Variants in ANKRD6 observed in about 807,000 individuals in gnomAD.
The protein encoded by ANKRD6 is ankyrin repeat domain 6.
Under a neutral mutation model 82.3 loss-of-function variants are expected in ANKRD6, and 56 were observed. The ratio of observed to expected loss-of-function variants is 0.68; its 90% CI spans 0.55 to 0.85. The LOEUF (loss-of-function observed/expected upper bound fraction) is 0.85. Among genes scored for constraint, ANKRD6 ranks in the 40% least tolerant of loss-of-function variants. The probability of loss-of-function intolerance (pLI) is 0.00; values close to 1 mark genes in which losing one functional copy is unlikely to be tolerated. For synonymous variants in ANKRD6, 347 were observed against 352.1 expected (o/e 0.99, Z 0.16); for missense variants, 852 against 907.6 (o/e 0.94, Z 0.79).
intron 1 of ANKRD6, among the ~76,000 whole-genome samples, chr6:89,533,360 G>T (rs1783420605): frequency 6.6e-6 from 1 of 152,136 alleles, no homozygotes; most frequent in African/African-American, 2.4e-5. Context: ...ATAATAATGA[G>T]TGTAACCATG....
intron 1 of ANKRD6, among the ~76,000 whole-genome samples, chr6:89,454,784 A>G (rs1336277894): frequency 1.3e-5 from 2 of 152,128 alleles, no homozygotes; most frequent in Non-Finnish European, 2.9e-5. Context: ...TACGAACCAA[A>G]TGTACATTTT....
rs377552613 is a variant in ANKRD6, at chr6:89,630,969, G to A, written c.2149G>A (p.Ala717Thr). The A allele has an allele frequency of 2.2e-5, 34 of 1,580,332 alleles. No homozygotes were observed. The African/African-American group carries it at 3.1e-4, about 14-fold the overall frequency. Reference protein sequence around the residue: ...EHIKSLEEELAKLRTRVQKEN With the variant: ...EHIKSLEEELTKLRTRVQKEN ...CATTAAAAGTTTAGAAGAGGAACTT[G>A]CCAAACTAAGGACTAGGGTGCAGAA... Residue 717 changes from alanine (A) to threonine (T), a missense_variant, in exon 16 of 16, where the codon GCC (alanine) becomes ACC (threonine). By Grantham distance (58) the Ala-to-Thr change is moderately conservative (BLOSUM62 0). Coordinates refer to ENST00000339746, the MANE Select transcript of ANKRD6 (RefSeq NM_001242809.2).
chr6:89,465,039 G>A (rs530904557), intron 1 of ANKRD6, among the ~76,000 whole-genome samples: 19 of 152,036 alleles, frequency 1.2e-4, no homozygotes, highest in Middle Eastern at 3.4e-3. Flanking sequence ...TATTTGCTCC[G>A]AAAATTCTGG....
At chr6:89,546,394 T>C (rs995988769) in intron 1 of ANKRD6, among the ~76,000 whole-genome samples, 4 of 152,152 alleles carry the variant, frequency 2.6e-5, no homozygotes, top group African/African-American at 7.2e-5. Context: ...AACAAGCTAA[T>C]GATGTTCCAA....
intron 1 of ANKRD6, among the ~76,000 whole-genome samples, chr6:89,481,844 GATTTGAGC>G (rs1244048846): frequency 4.6e-5 from 7 of 152,148 alleles, no homozygotes; most frequent in Non-Finnish European, 1.5e-5. Flanking sequence ...TGGTGCTGGT[GATTTGAGC>G]ATTCACTGCC....
chr6:89,523,646 T>C (rs1418939731), intron 1 of ANKRD6, among the ~76,000 whole-genome samples: 2 of 152,148 alleles, frequency 1.3e-5, no homozygotes, highest in Non-Finnish European at 2.9e-5. Flanking sequence ...GTACCCATAG[T>C]GATGCTGAGA....
intron 1 of ANKRD6, among the ~76,000 whole-genome samples, chr6:89,493,093 C>T (rs1244333491): frequency 6.6e-6 from 1 of 152,160 alleles, no homozygotes; most frequent in Non-Finnish European, 1.5e-5. Context: ...TGGCTGCAGA[C>T]GTAGACTCAC....
intron 2 of ANKRD6, among the ~76,000 whole-genome samples, chr6:89,594,421 T>G (rs1366329935): frequency 6.6e-6 from 1 of 150,952 alleles, no homozygotes; most frequent in Non-Finnish European, 1.5e-5. Flanking sequence ...GCCATTGCAC[T>G]CCAGCCTGGG....
intron 1 of ANKRD6, among the ~76,000 whole-genome samples, chr6:89,448,553 C>T (rs1313784700): frequency 6.6e-6 from 1 of 152,260 alleles, no homozygotes; most frequent in East Asian, 1.9e-4. Context: ...GTTAAGCCCA[C>T]TGTTAAGACC....
chr6:89,500,972 C>CTTTTTT (rs35877637), intron 1 of ANKRD6, among the ~76,000 whole-genome samples: 4 of 121,818 alleles, frequency 3.3e-5, no homozygotes, highest in African/African-American at 6.1e-5. Context: ...CCCAATTAGT[C>CTTTTTT]TTTTTTTTTT....
chr6:89,439,240 CA>C, intron 1 of ANKRD6, among the ~76,000 whole-genome samples: 1 of 152,046 alleles, frequency 6.6e-6, no homozygotes, highest in South Asian at 2.1e-4. Context: ...TAGCAAAGAA[CA>C]AGAATATGCA....
chr6:89,572,957 AGTTTGTTT>A (rs970585378), intron 2 of ANKRD6, among the ~76,000 whole-genome samples: 1 of 151,984 alleles, frequency 6.6e-6, no homozygotes, highest in Non-Finnish European at 1.5e-5. Context: ...AGCTCTTCAC[AGTTTGTTT>A]GTTTGTTTGT....
intron 1 of ANKRD6, among the ~76,000 whole-genome samples, chr6:89,477,046 G>A (rs1201464153): frequency 1.3e-5 from 2 of 152,144 alleles, no homozygotes; most frequent in Non-Finnish European, 2.9e-5. Context: ...ACGGGTTCAC[G>A]CCATTCTCCT....
At chr6:89,502,983 C>T (rs1444938755) in intron 1 of ANKRD6, among the ~76,000 whole-genome samples, 1 of 152,168 alleles carries the variant, frequency 6.6e-6, no homozygotes, top group Admixed American at 6.5e-5. Flanking sequence ...CCACCACACC[C>T]TCTGCACCCT....
Position 89,629,118 on chromosome 6 carries a change from T to G in ANKRD6, c.1492T>G (p.Leu498Val). The change falls in exon 15 of 16, where the codon TTG becomes GTG. Residue 498 changes from leucine to valine, a missense_variant. Leu to Val is a conservative substitution (Grantham distance 32). Transcript: ENST00000339746. The stretch of plus-strand genomic sequence containing the variant: ...GTTTGTTTTTTTTTTTAAGATATCC[T>G]TGGTGGATGAATTAAAAACCTGGTG... Reference protein sequence around the residue: ...KHEGEKRQISLVDELKTWCML... With the variant: ...KHEGEKRQISVVDELKTWCML... The G allele has an allele frequency of 6.2e-7, 1 of 1,613,040 alleles. No homozygotes were observed.
Position 89,477,218 on chromosome 6 carries a change from A to G in ANKRD6, c.-144+43843A>G, listed in dbSNP as rs536766407. 7.4e-4 allele frequency among the ~76,000 whole-genome samples: 112 copies of G among 152,240 alleles called. 3 individuals carry two copies. The South Asian group carries it at 0.023, about 31-fold the overall frequency. On this transcript the variant is annotated intron_variant, in intron 1 of 15. Coordinates refer to ENST00000339746, the MANE Select transcript of ANKRD6 (RefSeq NM_001242809.2). Reference sequence around the variant, plus strand: ...CTCGGCCTCCCAAAGTGCTGGGATTACAGGCGTGAGCCACCGTGCCCAGCC... The same window carrying G: ...CTCGGCCTCCCAAAGTGCTGGGATTGCAGGCGTGAGCCACCGTGCCCAGCC...
Position 89,469,332 on chromosome 6 carries a change from T to C in ANKRD6, c.-144+35957T>C, listed in dbSNP as rs150647240. ...GATCTCTGCCACATTAGCTTTTTCATTGGGCTTTTCCTGCCTCCATGTCAA... is the reference window on the plus strand; with the variant it reads ...GATCTCTGCCACATTAGCTTTTTCACTGGGCTTTTCCTGCCTCCATGTCAA... On this transcript the variant is annotated intron_variant, in intron 1 of 15. Coordinates refer to ENST00000339746, the MANE Select transcript of ANKRD6 (RefSeq NM_001242809.2). Among the ~76,000 whole-genome samples, 616 of 152,254 alleles carry C rather than the reference T, an allele frequency of 4.0e-3. 4 individuals carry two copies. The highest frequency in any genetic ancestry group is 0.014 in the African/African-American group (581 of 41,548).
chr6:89,527,785 T>C (rs1782681787), intron 1 of ANKRD6, among the ~76,000 whole-genome samples: 1 of 151,888 alleles, frequency 6.6e-6, no homozygotes, highest in South Asian at 2.1e-4. Flanking sequence ...TGCTAAAGGT[T>C]GGGTTGCTAT....
At chr6:89,510,555 T>G (rs1434049898) in intron 1 of ANKRD6, among the ~76,000 whole-genome samples, 1 of 152,174 alleles carries the variant, frequency 6.6e-6, no homozygotes, top group African/African-American at 2.4e-5. Context: ...TCACATACCA[T>G]AAAATTTACT....
Sources: gnomAD v4.1 joint callset for allele counts (sites outside exome capture counted in the v4.1 genomes callset) on GRCh38, gnomAD v4.1.1 for gene constraint, MANE v1.5 for transcripts, NCBI Gene and HGNC (gene_info 2026-07-23, HGNC 2026-07-21) for gene names.